CORO2B: variants seen among roughly 807,000 people sequenced by gnomAD.
The protein encoded by CORO2B is coronin-2B.
CORO2B carries 26 observed loss-of-function variants against 58.8 expected under a neutral mutation model. The ratio of observed to expected loss-of-function variants is 0.44; its 90% CI spans 0.32 to 0.61. CORO2B has a LOEUF of 0.61. CORO2B is among the 20% of genes least tolerant of loss of function. The pLI is 0.04. For missense variants in CORO2B, 460 were observed against 645.1 expected, an observed-to-expected ratio of 0.71 and a Z score of 3.11; for synonymous variants, 242 against 253.8, an observed-to-expected ratio of 0.95 and a Z score of 0.44.
the CORO2B span, among the ~76,000 whole-genome samples, chr15:68,530,075 C>T: frequency 2.6e-5 from 4 of 152,080 alleles, no homozygotes; most frequent in African/African-American, 7.2e-5. Context: ...CTGTAATCCC[C>T]GCACTTTGGG....
At chr15:68,711,145 A>G (rs1596032787) in intron 4 of CORO2B, among the ~76,000 whole-genome samples, 1 of 151,662 alleles carries the variant, frequency 6.6e-6, no homozygotes, top group Non-Finnish European at 1.5e-5. Context: ...CCATGCCCAC[A>G]CCCTTTGCCT....
At position 68,687,845 on chromosome 15, in the gene CORO2B, A is replaced by G. The variant is rs116526449; in HGVS notation, c.217-7295A>G. Among the ~76,000 whole-genome samples the G allele has an allele frequency of 8.6e-3, 1,314 of 152,298 alleles. 19 individuals are homozygous for G. The highest frequency in any genetic ancestry group is 0.03 in the African/African-American group (1,253 of 41,558). ...ACTCACTTTTATAACAAACCCACTC[A>G]CAAGACAACTAACCCACTCCCAAGA... On this transcript the variant is annotated intron_variant, in intron 2 of 11. Transcript: ENST00000261861.
chr15:68,587,131 A>T (rs1319154555), intron 1 of CORO2B, among the ~76,000 whole-genome samples: 1 of 151,830 alleles, frequency 6.6e-6, no homozygotes, highest in Non-Finnish European at 1.5e-5. Context: ...CCACACCAAT[A>T]GTCCCAGCTA....
rs551880389 is a variant in CORO2B at position 68,722,599 on chromosome 15, GACCAAAAA to G, written c.1311+3050_1311+3057del. On this transcript the variant is annotated intron_variant, in intron 11 of 11. Transcript: ENST00000261861. ...TAAAGCGGTTTTTTTGACAAAAGTG[GACCAAAAA>G]ACAATGCAAAGAAATTTTGAGAACT... is the stretch of plus-strand genomic sequence containing the variant. 1.2e-4 allele frequency among the ~76,000 whole-genome samples: 19 copies of G among 152,246 alleles called. No homozygotes were observed. The South Asian group carries it at 3.9e-3, about 32-fold the overall frequency.
the CORO2B span, among the ~76,000 whole-genome samples, chr15:68,535,183 A>G: frequency 1.3e-5 from 2 of 152,150 alleles, no homozygotes; most frequent in Admixed American, 1.3e-4. Context: ...GGTTCCTTTG[A>G]TCATGTTTCT....
intron 1 of CORO2B, among the ~76,000 whole-genome samples, chr15:68,642,035 CTTTTTTTTT>C (rs33965107): frequency 2.6e-5 from 3 of 115,978 alleles, no homozygotes; most frequent in East Asian, 2.5e-4. Flanking sequence ...GGCCTAGCCT[CTTTTTTTTT>C]TTTTTTTTTT....
chr15:68,534,551 C>G, the CORO2B span, among the ~76,000 whole-genome samples: 1 of 152,248 alleles, frequency 6.6e-6, no homozygotes, highest in Non-Finnish European at 1.5e-5. Context: ...CTCCTGTCAG[C>G]CAGTCCAGGA....
chr15:68,635,215 A>G (rs1900993709), intron 1 of CORO2B, among the ~76,000 whole-genome samples: 1 of 152,182 alleles, frequency 6.6e-6, no homozygotes. Context: ...ATCCCCTGCC[A>G]GACTTTGGGC....
chr15:68,682,648 C>A (rs1176572314), intron 2 of CORO2B, among the ~76,000 whole-genome samples: 1 of 152,106 alleles, frequency 6.6e-6, no homozygotes, highest in East Asian at 1.9e-4. Flanking sequence ...CCAGGAGGGG[C>A]AAGGATACCA....
chr15:68,592,776 A>G (rs1018859630), intron 1 of CORO2B, among the ~76,000 whole-genome samples: 2 of 152,250 alleles, frequency 1.3e-5, no homozygotes, highest in South Asian at 2.1e-4. Context: ...GTGTACTGTC[A>G]TGGGAGCTCA....
intron 1 of CORO2B, among the ~76,000 whole-genome samples, chr15:68,638,159 C>T (rs1033639158): frequency 3.3e-5 from 5 of 152,194 alleles, no homozygotes; most frequent in African/African-American, 4.8e-5. Flanking sequence ...AGCAGCTGTG[C>T]ACATCTGGAA....
chr15:68,533,448 A>G, the CORO2B span, among the ~76,000 whole-genome samples: 1 of 152,222 alleles, frequency 6.6e-6, no homozygotes, highest in Non-Finnish European at 1.5e-5. Context: ...TGTTAGCTGG[A>G]CACATAAACA....
Position 68,726,074 on chromosome 15 carries a change from G to A in CORO2B, c.*100G>A. On this transcript the variant is annotated 3_prime_UTR_variant, in exon 12 of 12. Coordinates refer to ENST00000261861, the MANE Select transcript of CORO2B (RefSeq NM_006091.5). ...GACCCCAGAGACAGAGCCAGGACAG[G>A]AGTGGGGGCCAGCCTGAGGACCCCC... 2.0e-6 allele frequency: 3 copies of A among 1,509,100 alleles called. No homozygotes were observed. Among genetic ancestry groups the A allele is most frequent in the Non-Finnish European group, 2.7e-6 (3 of 1,120,696 alleles). 93.5% of individuals were successfully genotyped at this position (1,509,100 alleles called of 1,614,324 possible). A position where few individuals can be genotyped will look rare whatever the true frequency, so the allele number is the denominator to read the frequency against.
the CORO2B span, among the ~76,000 whole-genome samples, chr15:68,547,943 G>T: frequency 1.2e-4 from 18 of 152,072 alleles, no homozygotes; most frequent in Non-Finnish European, 1.6e-4. Context: ...GGTTGAGGCG[G>T]GTGGATCACT....
chr15:68,568,054 A>C, the CORO2B span, among the ~76,000 whole-genome samples: 32 of 152,146 alleles, frequency 2.1e-4, no homozygotes, highest in Non-Finnish European at 4.4e-4. Context: ...ATTGGCTATG[A>C]TCATCATTTG....
chr15:68,682,680 A>C (rs1488900513), intron 2 of CORO2B, among the ~76,000 whole-genome samples: 1 of 152,166 alleles, frequency 6.6e-6, no homozygotes, highest in Non-Finnish European at 1.5e-5. Flanking sequence ...CCTGCCCCCC[A>C]AAAATGCCTC....
intron 3 of CORO2B, among the ~76,000 whole-genome samples, chr15:68,706,434 G>T (rs143153657): frequency 9.5e-4 from 144 of 152,338 alleles, no homozygotes; most frequent in African/African-American, 3.3e-3. Context: ...GCATGGGCAA[G>T]TTCAACACCA....
chr15:68,698,657 A>C (rs934593826), intron 3 of CORO2B, among the ~76,000 whole-genome samples: 1 of 151,966 alleles, frequency 6.6e-6, no homozygotes, highest in African/African-American at 2.4e-5. Context: ...TCTCAGCTTC[A>C]CCATTTACCA....
intron 1 of CORO2B, among the ~76,000 whole-genome samples, chr15:68,629,101 T>A (rs1229128596): frequency 6.6e-6 from 1 of 152,212 alleles, no homozygotes; most frequent in African/African-American, 2.4e-5. Context: ...AGCCATGGGA[T>A]CATGCTGGGG....
Sources: allele counts gnomAD v4.1 joint callset (sites outside exome capture counted in the v4.1 genomes callset), GRCh38; gene constraint gnomAD v4.1.1; transcripts MANE v1.5; gene names NCBI Gene and HGNC (gene_info 2026-07-23, HGNC 2026-07-21).